The following MTCL1 variants were observed in gnomAD, a reference collection of about 807,000 sequenced individuals.
The protein encoded by MTCL1 is microtubule crosslinking factor 1, also known as microtubule cross-linking factor 1.
MTCL1 carries 79 observed loss-of-function variants against 141.4 expected under a neutral mutation model. That is an observed-to-expected ratio of 0.56 (90% CI 0.47 to 0.67). The LOEUF is 0.67. MTCL1 is among the 30% of genes least tolerant of loss of function. The pLI is 0.00. For missense variants in MTCL1, 2,177 were observed against 2,113.9 expected, an observed-to-expected ratio of 1.03 and a Z score of -0.59; for synonymous variants, 914 against 875.8, an observed-to-expected ratio of 1.04 and a Z score of -0.77.
intron 11 of MTCL1, among the ~76,000 whole-genome samples, 162 bp downstream of exon 10, chr18:8,807,222 C>G (rs1431377655): frequency 1.3e-5 from 2 of 152,144 alleles, no homozygotes; most frequent in African/African-American, 4.8e-5. Context: ...TGCAGAGTCC[C>G]CATTTTCCCT....
intron 10 of MTCL1, chr18:8,802,192 G>T (rs1409575651): frequency 6.6e-6 from 1 of 152,166 alleles, no homozygotes; most frequent in East Asian, 1.9e-4. Flanking sequence ...GCTAAGTGAG[G>T]TCTCAAAAAG....
In MTCL1 at chr18:8,726,543, G is replaced by A. The variant is rs1348338486; in HGVS notation, c.357+6047G>A. 4.7e-4 allele frequency among the ~76,000 whole-genome samples: 46 copies of A among 97,992 alleles called. 2 individuals are homozygous for A. The highest frequency in any genetic ancestry group is 2.1e-3 in the African/African-American group (40 of 18,748). 64.3% of individuals were successfully genotyped at this position (97,992 alleles called of 152,430 possible). A position where few individuals can be genotyped will look rare whatever the true frequency, so the allele number is the denominator to read the frequency against. ...CGAGAGAGAGCGAGTGCGCATGCGC[G>A]CGCGCAACAAGCAATGTTCTGGTGT... On this transcript the variant is annotated intron_variant, in intron 4 of 16. Coordinates refer to ENST00000359865, the Ensembl canonical transcript of MTCL1.
chr18:8,730,892 A>G (rs1278783706), intron 4 of MTCL1, among the ~76,000 whole-genome samples: 1 of 152,144 alleles, frequency 6.6e-6, no homozygotes, highest in Non-Finnish European at 1.5e-5. Flanking sequence ...CATTTTACCT[A>G]CACGTTAGAA....
At chr18:8,715,791 G>A (rs188498523), upstream of MTCL1, among the ~76,000 whole-genome samples, 3 of 152,334 alleles carry the variant, frequency 2.0e-5, no homozygotes, top group Non-Finnish European at 4.4e-5. Flanking sequence ...CTAGGAGTGG[G>A]TAGTGCAGGG....
At chr18:8,803,180 G>GA in intron 10 of MTCL1, among the ~76,000 whole-genome samples, 1 of 150,732 alleles carries the variant, frequency 6.6e-6, no homozygotes, top group Non-Finnish European at 1.5e-5. Flanking sequence ...AAAAGAAGAA[G>GA]AAAAAGAAAA....
intron 4 of MTCL1, among the ~76,000 whole-genome samples, chr18:8,726,286 CTTTTTTTTTT>C (rs77665680): frequency 5.9e-5 from 6 of 102,262 alleles, no homozygotes; most frequent in African/African-American, 1.5e-4. Flanking sequence ...TTCTTTTTTT[CTTTTTTTTTT>C]TTTTTTTTTT....
chr18:8,744,955 T>C (rs1032874054), intron 4 of MTCL1, among the ~76,000 whole-genome samples: 2 of 152,218 alleles, frequency 1.3e-5, no homozygotes, highest in Non-Finnish European at 2.9e-5. Context: ...CCAGCCCCCC[T>C]GAGCTGTCCG....
chr18:8,802,168 T>A (rs1424234499), intron 10 of MTCL1: 2 of 152,190 alleles, frequency 1.3e-5, no homozygotes, highest in African/African-American at 4.8e-5. Flanking sequence ...GTGGAGGAGT[T>A]GCCTGTGTTG....
At chr18:8,778,652 A>T (rs1568014742) in intron 5 of MTCL1, among the ~76,000 whole-genome samples, 1 of 152,218 alleles carries the variant, frequency 6.6e-6, no homozygotes, top group East Asian at 1.9e-4. Flanking sequence ...CCAGGGCATC[A>T]TTCAAGGGGG....
chr18:8,823,610 C>G (rs532981000), intron 14 of MTCL1, among the ~76,000 whole-genome samples: 2 of 152,320 alleles, frequency 1.3e-5, no homozygotes, highest in South Asian at 4.1e-4. Flanking sequence ...TGTGGTTATT[C>G]AAAGCACCAC....
chr18:8,732,554 A>T (rs2096255807), intron 4 of MTCL1, among the ~76,000 whole-genome samples: 1 of 152,232 alleles, frequency 6.6e-6, no homozygotes, highest in East Asian at 1.9e-4. Context: ...GTACGTTGAA[A>T]TGGTATGATT....
chr18:8,803,340 T>C (rs1257225940), intron 10 of MTCL1, among the ~76,000 whole-genome samples: 2 of 152,144 alleles, frequency 1.3e-5, no homozygotes, highest in African/African-American at 4.8e-5. Context: ...GTTCCTCCTC[T>C]GTAAAATGGG....
In MTCL1 at chr18:8,795,906, A is replaced by C. The variant is rs145957146; in HGVS notation, c.2011-326A>C. ...GTGGAATCTGCTTACACCGGATTCA[A>C]GTCAGTGGTAAGCCGCACTTCCAAG... On this transcript the variant is annotated intron_variant, in intron 8 of 16. Transcript: ENST00000359865. 7.4e-3 allele frequency among the ~76,000 whole-genome samples: 1,120 copies of C among 152,342 alleles called. 8 individuals are homozygous for C. Among genetic ancestry groups the C allele is most frequent in the Non-Finnish European group, 0.011 (771 of 68,032 alleles).
chr18:8,784,655 A>G (rs754235529), exon 6 of MTCL1: 4 of 1,614,056 alleles, frequency 2.5e-6, no homozygotes, highest in East Asian at 2.2e-5. Flanking sequence ...GCTGGGGACC[A>G]TCAACGCCAA....
chr18:8,705,630 G>A, upstream of MTCL1: 1 of 1,200,786 alleles, frequency 8.3e-7, no homozygotes, highest in Non-Finnish European at 1.0e-6. The surrounding 1 kb of genome is among the most constrained non-coding windows in gnomAD (Gnocchi z 5.2). Context: ...CGGAGCATCT[G>A]CTGCCTGAGC....
Position 8,743,032 on chromosome 18 carries a change from A to ATTTGAATG in MTCL1, c.357+22537_357+22544dup, listed in dbSNP as rs375549787. Among the ~76,000 whole-genome samples, 1,352 of 152,328 alleles carry ATTTGAATG rather than the reference A, an allele frequency of 8.9e-3. 14 individuals are homozygous for ATTTGAATG. The highest frequency in any genetic ancestry group is 0.03 in the African/African-American group (1,262 of 41,568). ...TCACCTTATTAAAACTATTTAGAAA[A>ATTTGAATG]TTTGAATGAGTTACTTTAACTACTT... On this transcript the variant is annotated intron_variant, in intron 4 of 16. Coordinates refer to ENST00000359865, the Ensembl canonical transcript of MTCL1.
exon 8 of MTCL1, chr18:8,793,007 C>A (rs749600149): frequency 2.4e-5 from 39 of 1,613,792 alleles, no homozygotes; most frequent in Non-Finnish European, 2.9e-5. Flanking sequence ...GCTCAGGGGC[C>A]CCCCCGTTTT....
At chr18:8,819,960 TAACCAAAA>T (rs2076788499) in intron 13 of MTCL1, among the ~76,000 whole-genome samples, 1 of 152,084 alleles carries the variant, frequency 6.6e-6, no homozygotes, top group South Asian at 2.1e-4. Flanking sequence ...AGAAAACTAA[TAACCAAAA>T]ATATTCTGGG....
Position 8,754,271 on chromosome 18 carries a change from G to A in MTCL1, c.358-23562G>A, listed in dbSNP as rs558688430. 3.0e-4 allele frequency among the ~76,000 whole-genome samples: 45 copies of A among 152,192 alleles called. 1 individual carries two copies. The highest frequency in any genetic ancestry group is 1.1e-3 in the African/African-American group (44 of 41,520). ...ATTTTAATAGAGACGGGGTTTCACC[G>A]TGTTGCCCAGGCTGGTCTCGAACTC... is the stretch of plus-strand genomic sequence containing the variant. On this transcript the variant is annotated intron_variant, in intron 4 of 16. Coordinates refer to ENST00000359865, the Ensembl canonical transcript of MTCL1.
Sources: allele counts gnomAD v4.1 joint callset (sites outside exome capture counted in the v4.1 genomes callset), GRCh38; gene constraint gnomAD v4.1.1; non-coding constraint Gnocchi (gnomAD v3.1); transcripts MANE v1.5; gene names NCBI Gene and HGNC (gene_info 2026-07-23, HGNC 2026-07-21).